ADGRL2: variants seen among roughly 807,000 people sequenced by gnomAD.
The protein encoded by ADGRL2 is adhesion G protein-coupled receptor L2, also known as calcium-independent alpha-latrotoxin receptor 2.
Under a neutral mutation model 157.4 loss-of-function variants are expected in ADGRL2, and 44 were observed. The ratio of observed to expected loss-of-function variants is 0.28; its 90% CI spans 0.22 to 0.36. The LOEUF (loss-of-function observed/expected upper bound fraction) is 0.36. Among genes scored for constraint, ADGRL2 ranks in the 10% least tolerant of loss-of-function variants. ADGRL2 has a pLI of 1.00. For missense variants in ADGRL2, 1,510 were observed against 1,768.9 expected (o/e 0.85, Z 2.63); for synonymous variants, 585 against 624.7 (o/e 0.94, Z 0.95).
At chr1:81,772,316 T>G (rs766581597) in intron 2 of ADGRL2, among the ~76,000 whole-genome samples, 3 of 152,140 alleles carry the variant, frequency 2.0e-5, no homozygotes, top group Non-Finnish European at 4.4e-5. Flanking sequence ...TAAGCACTTC[T>G]TTGTGATAAA....
intron 3 of ADGRL2, among the ~76,000 whole-genome samples, chr1:81,685,570 T>A (rs186046272): frequency 1.5e-4 from 23 of 152,292 alleles, no homozygotes; most frequent in African/African-American, 5.5e-4. Flanking sequence ...AAGGACCATA[T>A]TTTCAGCAAA....
At chr1:81,768,500 G>T (rs1334641816) in intron 2 of ADGRL2, among the ~76,000 whole-genome samples, 1 of 135,866 alleles carries the variant, frequency 7.4e-6, no homozygotes, top group Admixed American at 7.3e-5. Context: ...TTTGAGAGAA[G>T]GTTCACTGTA....
At chr1:81,495,562 A>G (rs12143557) in intron 2 of ADGRL2, among the ~76,000 whole-genome samples, 22,584 of 152,146 alleles carry the variant, frequency 0.15, 2,142 homozygotes, top group Non-Finnish European at 0.21. Context: ...GCAAACTGCA[A>G]TGAAGCACCT....
intron 1 of ADGRL2, among the ~76,000 whole-genome samples, chr1:81,375,580 A>G (rs2076235289): frequency 6.6e-6 from 1 of 152,230 alleles, no homozygotes; most frequent in Non-Finnish European, 1.5e-5. Flanking sequence ...CATTGGAAAT[A>G]TTACCATCTT....
In ADGRL2 at chr1:81,604,779, G is replaced by A. The variant is rs117854251; in HGVS notation, c.-143+23799G>A. Among the ~76,000 whole-genome samples, 31 of 152,236 alleles carry A rather than the reference G, an allele frequency of 2.0e-4. 1 individual carries two copies. The East Asian group carries it at 6.0e-3, about 30-fold the overall frequency. On this transcript the variant is annotated intron_variant, in intron 3 of 24. Transcript: ENST00000370721. ...GAACACAGCACATTAGGATTCACCT[G>A]AGCCATGTGTGTTTGGCACTGGAGA... is the stretch of plus-strand genomic sequence containing the variant.
intron 1 of ADGRL2, among the ~76,000 whole-genome samples, chr1:81,738,665 G>A (rs543917166): frequency 1.2e-4 from 18 of 152,342 alleles, no homozygotes; most frequent in Admixed American, 3.3e-4. Context: ...GCATTGGCCA[G>A]TTTGGCCTCT....
intron 2 of ADGRL2, among the ~76,000 whole-genome samples, chr1:81,791,835 T>C (rs1259633388): frequency 6.6e-6 from 1 of 152,178 alleles, no homozygotes; most frequent in African/African-American, 2.4e-5. Context: ...AAGTGCATTT[T>C]CAGAGAAAAA....
intron 2 of ADGRL2, among the ~76,000 whole-genome samples, chr1:81,872,290 A>G (rs1232648009): frequency 1.3e-5 from 2 of 152,018 alleles, no homozygotes; most frequent in Admixed American, 6.6e-5. Context: ...CCATTGGTCT[A>G]TATCTGTTTT....
At chr1:81,711,001 T>C (rs2083909289) in intron 1 of ADGRL2, among the ~76,000 whole-genome samples, 1 of 152,180 alleles carries the variant, frequency 6.6e-6, no homozygotes, top group Non-Finnish European at 1.5e-5. Context: ...ACATCATGCA[T>C]TGGTCATTTG....
At chr1:81,540,517 T>C (rs78072436) in intron 2 of ADGRL2, among the ~76,000 whole-genome samples, 2,452 of 152,238 alleles carry the variant, frequency 0.016, 68 homozygotes, top group African/African-American at 0.056. Context: ...AACAAGACAC[T>C]AACAGAAGTG....
At chr1:81,384,393 T>C (rs140389816) in intron 1 of ADGRL2, among the ~76,000 whole-genome samples, 29 of 152,256 alleles carry the variant, frequency 1.9e-4, no homozygotes, top group Middle Eastern at 3.4e-3. Flanking sequence ...AGAAAATTGC[T>C]AGAAAGATAT....
At chr1:81,311,973 G>A (rs1235057399) in intron 1 of ADGRL2, among the ~76,000 whole-genome samples, 1 of 152,090 alleles carries the variant, frequency 6.6e-6, no homozygotes, top group Non-Finnish European at 1.5e-5. Context: ...TCAGACTTTG[G>A]CATTTTTTAG....
intron 1 of ADGRL2, among the ~76,000 whole-genome samples, chr1:81,822,930 G>A (rs1320386765): frequency 1.3e-5 from 2 of 151,908 alleles, no homozygotes; most frequent in South Asian, 2.1e-4. Flanking sequence ...TCTTTCTTGA[G>A]GGGTTTAATG....
intron 2 of ADGRL2, among the ~76,000 whole-genome samples, chr1:81,538,850 CA>C (rs1433983380): frequency 6.6e-6 from 1 of 151,312 alleles, no homozygotes; most frequent in Non-Finnish European, 1.5e-5. Context: ...ACCAAAAATA[CA>C]AAAAAAATTA....
At chr1:81,682,044 AT>A (rs1338056401) in intron 3 of ADGRL2, among the ~76,000 whole-genome samples, 5 of 151,908 alleles carry the variant, frequency 3.3e-5, no homozygotes, top group Non-Finnish European at 5.9e-5. Context: ...AACCTTCCAG[AT>A]TTTGGTTTGG....
chr1:81,735,910 C>T (rs893919831), intron 1 of ADGRL2, among the ~76,000 whole-genome samples: 4 of 151,448 alleles, frequency 2.6e-5, no homozygotes, highest in African/African-American at 9.7e-5. Context: ...TTTGGGAGGC[C>T]GAGGTGGGCA....
intron 1 of ADGRL2, among the ~76,000 whole-genome samples, chr1:81,419,879 C>T (rs2077095575): frequency 6.6e-6 from 1 of 152,160 alleles, no homozygotes; most frequent in Admixed American, 6.5e-5. Context: ...GTCTAACTGC[C>T]TTCTCTGTCT....
intron 2 of ADGRL2, among the ~76,000 whole-genome samples, chr1:81,903,719 ATATATATATACATTATATATACACAT>A (rs1234054814): frequency 2.1e-5 from 3 of 144,170 alleles, no homozygotes; most frequent in Non-Finnish European, 4.6e-5. Flanking sequence ...TATTCATTAT[ATATATATATACATTATATATACACAT>A]TATATATATA....
intron 22 of ADGRL2, 114 bp from the exon 23 acceptor site, chr1:81,987,755 A>C (rs1403108093): frequency 4.4e-6 from 1 of 225,998 alleles, no homozygotes; most frequent in African/African-American, 2.3e-5. Flanking sequence ...ATTTGCCACT[A>C]AATTAAACAC....
Sources: gnomAD v4.1 joint callset for allele counts (sites outside exome capture counted in the v4.1 genomes callset) on GRCh38, gnomAD v4.1.1 for gene constraint, MANE v1.5 for transcripts, NCBI Gene and HGNC (gene_info 2026-07-23, HGNC 2026-07-21) for gene names.